The following KALRN variants were observed in gnomAD, a reference collection of about 807,000 sequenced individuals.
The protein encoded by KALRN is kalirin RhoGEF kinase.
KALRN carries 70 observed loss-of-function variants against 353.7 expected under a neutral mutation model. The ratio of observed to expected loss-of-function variants is 0.20; its 90% CI spans 0.16 to 0.24. KALRN has a LOEUF of 0.24. Ranked by LOEUF, KALRN falls within the 10% of genes least tolerant of loss-of-function variation. The pLI, the probability that KALRN is intolerant of heterozygous loss-of-function variation, is 1.00. For missense variants in KALRN, 2,791 were observed against 3,756.7 expected (o/e 0.74, Z 6.72); for synonymous variants, 1,391 against 1,434.8 (o/e 0.97, Z 0.69).
chr3:124,433,411 A>G (rs542296075), intron 16 of KALRN, among the ~76,000 whole-genome samples: 72 of 151,884 alleles, frequency 4.7e-4, no homozygotes, highest in Non-Finnish European at 9.1e-4. Flanking sequence ...GCAGACAGCA[A>G]GATCCCATTT....
intron 3 of KALRN, among the ~76,000 whole-genome samples, chr3:124,237,373 T>A (rs1392838015): frequency 2.0e-5 from 3 of 151,544 alleles, no homozygotes; most frequent in Non-Finnish European, 1.5e-5. Flanking sequence ...ATGCTTTTTT[T>A]TTTTTTTGAG....
chr3:124,446,951 T>G, intron 21 of KALRN, 66 bp downstream of exon 21: 1 of 1,573,720 alleles, frequency 6.4e-7, no homozygotes. Context: ...AATTTCACAT[T>G]ATGGAAGCAA....
intron 16 of KALRN, among the ~76,000 whole-genome samples, chr3:124,431,498 T>A (rs2150459931): frequency 6.6e-6 from 1 of 152,298 alleles, no homozygotes; most frequent in East Asian, 1.9e-4. Flanking sequence ...CAGAGAGACT[T>A]GAACTGATTG....
At chr3:124,496,012 T>TATATATATATATATAC (rs1345047394) in intron 32 of KALRN, among the ~76,000 whole-genome samples, 40 of 43,636 alleles carry the variant, frequency 9.2e-4, no homozygotes, top group Non-Finnish European at 1.3e-3. Context: ...TATATATATA[T>TATATATATATATATAC]ACACACACAT....
intron 1 of KALRN, among the ~76,000 whole-genome samples, chr3:124,041,252 T>C (rs545501701): frequency 6.6e-6 from 1 of 152,240 alleles, no homozygotes; most frequent in South Asian, 2.1e-4. Context: ...ATGAATAACT[T>C]GGACAAATGA....
intron 11 of KALRN, among the ~76,000 whole-genome samples, chr3:124,387,006 C>A (rs1311139707): frequency 6.6e-6 from 1 of 152,166 alleles, no homozygotes; most frequent in Non-Finnish European, 1.5e-5. Flanking sequence ...CTTCCTATTA[C>A]CTACACTCTT....
At chr3:124,152,666 T>G in intron 1 of KALRN, 1 of 568,362 alleles carries the variant, frequency 1.8e-6, no homozygotes, top group East Asian at 2.9e-5. Flanking sequence ...CAATCGAGGC[T>G]CACTGCAACC....
At chr3:124,113,996 AG>A (rs2063232140) in intron 1 of KALRN, among the ~76,000 whole-genome samples, 1 of 152,158 alleles carries the variant, frequency 6.6e-6, no homozygotes, top group South Asian at 2.1e-4. Context: ...GGTCTTTGGT[AG>A]TGCTGGAAGG....
intron 34 of KALRN, among the ~76,000 whole-genome samples, chr3:124,564,695 A>T (rs1364884890): frequency 6.6e-6 from 1 of 152,180 alleles, no homozygotes; most frequent in Admixed American, 6.6e-5. Flanking sequence ...GTGTTTTTAA[A>T]TTTAATTTTA....
chr3:124,426,071 G>T (rs2093003804), intron 15 of KALRN, among the ~76,000 whole-genome samples: 1 of 152,200 alleles, frequency 6.6e-6, no homozygotes, highest in Non-Finnish European at 1.5e-5. Flanking sequence ...CAAAAGGGCA[G>T]TGGCCCTCGA....
intron 51 of KALRN, among the ~76,000 whole-genome samples, chr3:124,686,920 C>T (rs952078307): frequency 1.3e-5 from 2 of 149,796 alleles, no homozygotes; most frequent in Non-Finnish European, 3.0e-5. Flanking sequence ...GCTCAAGTGA[C>T]CCTCCCACCC....
chr3:124,163,982 A>G (rs1009661766), intron 1 of KALRN: 2 of 985,316 alleles, frequency 2.0e-6, no homozygotes, highest in African/African-American at 1.7e-5. Context: ...GTGGTCATTC[A>G]GAGTAGCAAG....
At chr3:124,095,001 A>AG (rs1444258478) in intron 1 of KALRN, 7 of 1,141,548 alleles carry the variant, frequency 6.1e-6, no homozygotes, top group Admixed American at 1.9e-5. Flanking sequence ...CAGAGAGGGG[A>AG]GGGGGGTCAA....
intron 1 of KALRN, among the ~76,000 whole-genome samples, chr3:124,111,201 C>T (rs1227983968): frequency 6.6e-6 from 1 of 152,200 alleles, no homozygotes; most frequent in African/African-American, 2.4e-5. Context: ...TTACATCTTT[C>T]CATTCTACCA....
intron 16 of KALRN, 51 bp from the exon 17 acceptor site, chr3:124,434,256 A>G (rs1233624668): frequency 2.0e-6 from 3 of 1,486,522 alleles, no homozygotes; most frequent in Non-Finnish European, 2.8e-6. Flanking sequence ...CCCCTCCCAT[A>G]CCACGCCTGG....
intron 37 of KALRN, among the ~76,000 whole-genome samples, chr3:124,639,356 A>G (rs1442708668): frequency 6.6e-6 from 1 of 152,140 alleles, no homozygotes; most frequent in Admixed American, 6.5e-5. Flanking sequence ...TCTGTGGTGT[A>G]ATTTGTTAAA....
rs10673161 is a variant in KALRN, at chr3:124,646,391, C to CTTTTTTTTTTTTTTTT, written c.5665-4415_5665-4400dup. 6.7e-3 allele frequency among the ~76,000 whole-genome samples: 735 copies of CTTTTTTTTTTTTTTTT among 110,312 alleles called. 49 individuals are homozygous for CTTTTTTTTTTTTTTTT. Among genetic ancestry groups the CTTTTTTTTTTTTTTTT allele is most frequent in the African/African-American group, 0.013 (395 of 29,570 alleles). The allele number at this position is 110,312 out of a possible 152,430, so 72.4% of individuals were successfully genotyped here. On this transcript the variant is annotated intron_variant, in intron 37 of 59. Transcript: ENST00000682506. The stretch of plus-strand genomic sequence containing the variant: ...GACTGCTAGAGGGATCTTTTGTTTA[C>CTTTTTTTTTTTTTTTT]TTTTTTTTTTTTTTTTTGAGACAGA...
At chr3:124,481,733 G>T (rs529102492) in intron 27 of KALRN, among the ~76,000 whole-genome samples, 2 of 152,154 alleles carry the variant, frequency 1.3e-5, no homozygotes, top group Admixed American at 1.3e-4. Flanking sequence ...TGTGTTTGAT[G>T]TAAGTGAGTG....
rs1181605841 is a variant in KALRN at position 124,667,048 on chromosome 3, G to C, written c.6568G>C (p.Asp2190His). The change falls in exon 47 of 60, where the codon GAT becomes CAT. Residue 2190 changes from aspartate (D) to histidine (H), a missense_variant. This residue lies in a region of KALRN where 1,065 missense variants were observed against 1,156.4 expected (regional missense o/e 0.92). Transcript: ENST00000682506. ...YLVLEENVDN[D>H]PCKFALMNRE... is the part of the protein sequence containing the mutation. ...GGTCCTGGAGGAGAATGTGGACAAT[G>C]ATCCCTGCAAGTTTGCACTCATGAA... The C allele has an allele frequency of 6.2e-7, 1 of 1,613,602 alleles. No individual in the cohort carries two copies. Among genetic ancestry groups the C allele is most frequent in the Non-Finnish European group, 8.5e-7 (1 of 1,179,572 alleles).
Sources: allele counts gnomAD v4.1 joint callset (sites outside exome capture counted in the v4.1 genomes callset), GRCh38; gene constraint gnomAD v4.1.1; regional missense constraint gnomAD v4.1.1; transcripts MANE v1.5; gene names NCBI Gene and HGNC (gene_info 2026-07-23, HGNC 2026-07-21).